TENT2: variants seen among roughly 807,000 people sequenced by gnomAD.
TENT2 encodes the protein terminal nucleotidyltransferase 2, also known as poly(A) RNA polymerase GLD2.
TENT2 carries 44 observed loss-of-function variants against 72.2 expected under a neutral mutation model. That is an observed-to-expected ratio of 0.61 (90% CI 0.48 to 0.78). TENT2 has a LOEUF of 0.78. TENT2 is among the 30% of genes least tolerant of loss of function. The pLI, the probability that TENT2 is intolerant of heterozygous loss-of-function variation, is 0.00. For synonymous variants in TENT2, 212 were observed against 192.5 expected (o/e 1.10, Z -0.84); for missense variants, 541 against 569.6 (o/e 0.95, Z 0.51).
chr5:79,685,125 C>A, intron 14 of TENT2, 74 bp from the exon 15 acceptor site: 2 of 1,119,060 alleles, frequency 1.8e-6, no homozygotes, highest in Non-Finnish European at 2.6e-6. Flanking sequence ...CAACTATTAA[C>A]ATTCTTTTAA....
intron 14 of TENT2, 95 bp downstream of exon 14, chr5:79,682,156 C>T: frequency 1.3e-6 from 1 of 766,598 alleles, no homozygotes; most frequent in Non-Finnish European, 2.1e-6. Flanking sequence ...AATGGTTTCT[C>T]TTCTGTGAAT....
chr5:79,642,805 A>G (rs770742008), intron 6 of TENT2, 27 bp from the exon 7 acceptor site: 20 of 1,567,556 alleles, frequency 1.3e-5, no homozygotes, highest in Non-Finnish European at 4.4e-6. Flanking sequence ...AAGATAATGA[A>G]AAAACACTTT....
At position 79,688,027 on chromosome 5, in the gene TENT2, G is replaced by A. The variant is rs1216838474; in HGVS notation, c.*2754G>A. The stretch of plus-strand genomic sequence containing the variant: ...TATTGCTGATGCTAAACCTGGTTTA[G>A]TGAGCTGTGGAAGCCTTGACTCTGC... On this transcript the variant is annotated 3_prime_UTR_variant, in exon 15 of 15. Coordinates refer to ENST00000453514, the MANE Select transcript of TENT2 (RefSeq NM_001114394.3). Among the ~76,000 whole-genome samples, 1 of 152,174 alleles carries A rather than the reference G, an allele frequency of 6.6e-6. No homozygotes were observed. Among genetic ancestry groups the A allele is most frequent in the Non-Finnish European group, 1.5e-5 (1 of 68,040 alleles).
At chr5:79,623,869 T>G (rs1019498983) in intron 4 of TENT2, among the ~76,000 whole-genome samples, 1 of 152,140 alleles carries the variant, frequency 6.6e-6, no homozygotes, top group Non-Finnish European at 1.5e-5. Flanking sequence ...TGAGGTTTTT[T>G]GAATGTCAAA....
At chr5:79,684,448 G>T (rs934444187) in intron 14 of TENT2, among the ~76,000 whole-genome samples, 10 of 152,004 alleles carry the variant, frequency 6.6e-5, no homozygotes, top group African/African-American at 2.4e-4. Context: ...TACAGACAGG[G>T]TTTCACCATG....
At chr5:79,665,849 G>T (rs6861841) in intron 11 of TENT2, among the ~76,000 whole-genome samples, 30,777 of 151,772 alleles carry the variant, frequency 0.2, 4,597 homozygotes, top group African/African-American at 0.42. Context: ...TGACTTTTTG[G>T]TTGTTCTTTA....
chr5:79,619,594 C>G lies in TENT2; in HGVS notation c.-37-18C>G. ...TTAAGCTATGATAATTTAATATTGTCTTTTTAAATTATCCTAGGTAGAAGA... is the reference window on the plus strand; with the variant it reads ...TTAAGCTATGATAATTTAATATTGTGTTTTTAAATTATCCTAGGTAGAAGA... On this transcript the variant is annotated intron_variant, in intron 1 of 14. Transcript: ENST00000453514. 1 of 1,505,288 alleles carries G rather than the reference C, an allele frequency of 6.6e-7. No individual in the cohort carries two copies. Among genetic ancestry groups the G allele is most frequent in the Non-Finnish European group, 9.0e-7 (1 of 1,110,728 alleles). The allele number at this position is 1,505,288 out of a possible 1,614,324, so 93.2% of individuals were successfully genotyped here. A position where few individuals can be genotyped will look rare whatever the true frequency, so the allele number is the denominator to read the frequency against.
intron 11 of TENT2, among the ~76,000 whole-genome samples, chr5:79,658,376 A>G (rs1413805885): frequency 7.0e-6 from 1 of 143,366 alleles, no homozygotes; most frequent in South Asian, 2.2e-4. Context: ...TTTTTTTCTT[A>G]GAGACGGTCT....
intron 1 of TENT2, among the ~76,000 whole-genome samples, chr5:79,615,389 A>G (rs1224651281): frequency 6.6e-6 from 1 of 152,224 alleles, no homozygotes; most frequent in African/African-American, 2.4e-5. Flanking sequence ...AAAAGTATCT[A>G]GGCTTTTTGC....
intron 4 of TENT2, among the ~76,000 whole-genome samples, chr5:79,640,555 T>A (rs367846600): frequency 6.6e-6 from 1 of 152,332 alleles, no homozygotes; most frequent in African/African-American, 2.4e-5. Context: ...GCCATACTAA[T>A]AAAGTGAGCA....
intron 12 of TENT2, among the ~76,000 whole-genome samples, chr5:79,673,178 T>C (rs1032517743): frequency 3.9e-5 from 6 of 152,244 alleles, no homozygotes; most frequent in African/African-American, 7.2e-5. Context: ...AAGCTCCTTA[T>C]ATATTCTGCC....
At chr5:79,627,268 G>A (rs1353941265) in intron 4 of TENT2, among the ~76,000 whole-genome samples, 2 of 151,976 alleles carry the variant, frequency 1.3e-5, no homozygotes, top group East Asian at 3.8e-4. Flanking sequence ...TTAACTGTTA[G>A]AACTAACTAA....
At chr5:79,628,887 A>G (rs1459778455) in intron 4 of TENT2, among the ~76,000 whole-genome samples, 2 of 152,228 alleles carry the variant, frequency 1.3e-5, no homozygotes, top group Non-Finnish European at 2.9e-5. Flanking sequence ...AATAACTTGG[A>G]TAGGCAGGCA....
chr5:79,627,184 T>G (rs1177716979), intron 4 of TENT2, among the ~76,000 whole-genome samples: 1 of 152,038 alleles, frequency 6.6e-6, no homozygotes, highest in African/African-American at 2.4e-5. Flanking sequence ...CTGGTAGCCC[T>G]GTTTTCTATG....
At position 79,625,714 on chromosome 5, in the gene TENT2, C is replaced by T. The variant is rs1769026972; in HGVS notation, c.465+2225C>T. Among the ~76,000 whole-genome samples the T allele has an allele frequency of 1.3e-5, 2 of 151,824 alleles. 1 individual carries two copies. Reference sequence around the variant, plus strand: ...CTTATTGAAAAAACTGTTCTTTTCTCCTCTGTAATTTTTTTTTAACCATAT... The same window carrying T: ...CTTATTGAAAAAACTGTTCTTTTCTTCTCTGTAATTTTTTTTTAACCATAT... On this transcript the variant is annotated intron_variant, in intron 4 of 14. Transcript: ENST00000453514.
chr5:79,663,830 A>G (rs1393348499), intron 11 of TENT2, among the ~76,000 whole-genome samples: 2 of 152,222 alleles, frequency 1.3e-5, no homozygotes, highest in African/African-American at 4.8e-5. Flanking sequence ...CACCGTTGCC[A>G]TAAACCTTCA....
chr5:79,632,381 C>CT (rs1331424286), intron 4 of TENT2, among the ~76,000 whole-genome samples: 1 of 151,940 alleles, frequency 6.6e-6, no homozygotes, highest in Non-Finnish European at 1.5e-5. Context: ...AAGTAGAAAT[C>CT]TGAGTTATTC....
intron 12 of TENT2, among the ~76,000 whole-genome samples, chr5:79,672,487 C>T (rs916460345): frequency 2.6e-5 from 4 of 152,174 alleles, no homozygotes; most frequent in Non-Finnish European, 5.9e-5. Context: ...CTCTGGTAAC[C>T]ATCATTCTAG....
intron 12 of TENT2, among the ~76,000 whole-genome samples, chr5:79,672,585 T>G (rs1008619179): frequency 6.6e-6 from 1 of 152,224 alleles, no homozygotes; most frequent in African/African-American, 2.4e-5. Context: ...TGTGTCTGGC[T>G]TATTTCACTT....
Sources: gnomAD v4.1 joint callset for allele counts (sites outside exome capture counted in the v4.1 genomes callset) on GRCh38, gnomAD v4.1.1 for gene constraint, MANE v1.5 for transcripts, NCBI Gene and HGNC (gene_info 2026-07-23, HGNC 2026-07-21) for gene names.